The following NRG3 variants were observed in gnomAD, a reference collection of about 807,000 sequenced individuals.
NRG3 encodes pro-neuregulin-3, membrane-bound isoform.
Under a neutral mutation model 66.9 loss-of-function variants are expected in NRG3, and 31 were observed. The observed-to-expected ratio is 0.46, with a 90% confidence interval of 0.35 to 0.63. The LOEUF is 0.63. Among genes scored for constraint, NRG3 ranks in the 20% least tolerant of loss-of-function variants. The pLI, the probability that NRG3 is intolerant of heterozygous loss-of-function variation, is 0.00. For missense variants in NRG3, 910 were observed against 878.9 expected (o/e 1.04, Z -0.45); for synonymous variants, 393 against 359.4 (o/e 1.09, Z -1.06).
chr10:82,052,256 A>G (rs561993885), intron 1 of NRG3, among the ~76,000 whole-genome samples: 4 of 152,286 alleles, frequency 2.6e-5, no homozygotes, highest in Non-Finnish European at 4.4e-5. Flanking sequence ...TCCTAAAAAT[A>G]CCTGAACTTC....
At chr10:82,293,262 A>G (rs2079850307) in intron 1 of NRG3, among the ~76,000 whole-genome samples, 1 of 152,172 alleles carries the variant, frequency 6.6e-6, no homozygotes, top group South Asian at 2.1e-4. Flanking sequence ...AATACTTGGC[A>G]GACACTGCAA....
chr10:82,031,900 A>T (rs1046104010), intron 1 of NRG3, among the ~76,000 whole-genome samples: 1 of 151,994 alleles, frequency 6.6e-6, no homozygotes, highest in Non-Finnish European at 1.5e-5. Context: ...TTTAGCCCTT[A>T]ATTTTCAGAA....
chr10:82,935,452 C>T (rs576883049), intron 4 of NRG3, among the ~76,000 whole-genome samples: 23 of 152,202 alleles, frequency 1.5e-4, no homozygotes, highest in Non-Finnish European at 2.9e-4. Flanking sequence ...AAATAAATGT[C>T]CATATGACTT....
chr10:82,693,193 A>G (rs971521232), intron 2 of NRG3, among the ~76,000 whole-genome samples: 1 of 152,040 alleles, frequency 6.6e-6, no homozygotes, highest in Non-Finnish European at 1.5e-5. Context: ...GCTAAATTGC[A>G]TTTTTTTCAA....
intron 1 of NRG3, among the ~76,000 whole-genome samples, chr10:82,163,985 A>C (rs1288578764): frequency 1.3e-5 from 2 of 150,934 alleles, no homozygotes; most frequent in Non-Finnish European, 2.9e-5. Flanking sequence ...GAGTGGTGCA[A>C]TCTAGTCTCA....
chr10:82,950,288 A>G (rs1047628019), intron 4 of NRG3, among the ~76,000 whole-genome samples: 13 of 152,326 alleles, frequency 8.5e-5, no homozygotes, highest in Middle Eastern at 3.4e-3. Context: ...TTTCCTCTAA[A>G]TTGGCTGCTT....
intron 3 of NRG3, among the ~76,000 whole-genome samples, chr10:82,812,454 A>T (rs2061529312): frequency 6.6e-6 from 1 of 152,274 alleles, no homozygotes; most frequent in Admixed American, 6.5e-5. Context: ...GCAAAATAAA[A>T]TGTTAAGCCT....
At chr10:82,822,915 C>T (rs1043172211) in intron 3 of NRG3, among the ~76,000 whole-genome samples, 2 of 152,134 alleles carry the variant, frequency 1.3e-5, no homozygotes, top group African/African-American at 2.4e-5. Flanking sequence ...GCCATTTAAT[C>T]TCCTCAGTAC....
chr10:81,949,363 A>G (rs562363726), intron 1 of NRG3, among the ~76,000 whole-genome samples: 2 of 152,336 alleles, frequency 1.3e-5, no homozygotes, highest in East Asian at 3.9e-4. Flanking sequence ...TACTACACAC[A>G]TAGATAGAAC....
intron 1 of NRG3, among the ~76,000 whole-genome samples, chr10:82,353,499 A>G (rs1372993970): frequency 6.6e-6 from 1 of 152,194 alleles, no homozygotes; most frequent in Non-Finnish European, 1.5e-5. Flanking sequence ...TCTACTGATT[A>G]CTTACTATGT....
chr10:82,007,276 C>G (rs2061410108), intron 1 of NRG3, among the ~76,000 whole-genome samples: 1 of 138,584 alleles, frequency 7.2e-6, no homozygotes, highest in Admixed American at 8.1e-5. Context: ...GTGGTGTGAT[C>G]TTGGCTCACT....
At chr10:82,393,411 G>C (rs549028845) in intron 2 of NRG3, among the ~76,000 whole-genome samples, 2 of 152,238 alleles carry the variant, frequency 1.3e-5, no homozygotes, top group East Asian at 3.9e-4. Context: ...TGTACAGTTA[G>C]CATTAGGCTG....
intron 2 of NRG3, among the ~76,000 whole-genome samples, chr10:82,454,724 A>AT (rs1407789141): frequency 1.3e-5 from 2 of 152,238 alleles, no homozygotes; most frequent in African/African-American, 2.4e-5. Context: ...CACAGGTGAT[A>AT]TCTCTTTGAT....
At chr10:82,463,262 A>G (rs959735288) in intron 2 of NRG3, among the ~76,000 whole-genome samples, 1 of 152,200 alleles carries the variant, frequency 6.6e-6, no homozygotes, top group Non-Finnish European at 1.5e-5. Context: ...TTGGAGAAGG[A>G]TCATAATTCA....
At chr10:82,465,457 C>T (rs776658239) in intron 2 of NRG3, among the ~76,000 whole-genome samples, 1 of 152,208 alleles carries the variant, frequency 6.6e-6, no homozygotes, top group Non-Finnish European at 1.5e-5. Context: ...AACAGTTTAA[C>T]TTTACAGGCT....
chr10:82,470,972 C>T (rs568227978), intron 2 of NRG3, among the ~76,000 whole-genome samples: 1 of 152,268 alleles, frequency 6.6e-6, no homozygotes, highest in South Asian at 2.1e-4. Context: ...GGTTCTGCGG[C>T]TGTCTTTCTT....
chr10:82,001,860 A>G (rs2061183654), intron 1 of NRG3, among the ~76,000 whole-genome samples: 1 of 152,208 alleles, frequency 6.6e-6, no homozygotes, highest in South Asian at 2.1e-4. Flanking sequence ...GGGTAGATGT[A>G]TGTTTGGGAC....
intron 1 of NRG3, among the ~76,000 whole-genome samples, chr10:81,905,759 TCA>T (rs1403173154): frequency 6.6e-6 from 1 of 152,194 alleles, no homozygotes; most frequent in Non-Finnish European, 1.5e-5. Flanking sequence ...AAATCAGCCC[TCA>T]CACTATGGCT....
chr10:82,045,125 C>G, intron 1 of NRG3, among the ~76,000 whole-genome samples: 1 of 135,420 alleles, frequency 7.4e-6, no homozygotes, highest in African/African-American at 2.7e-5. Flanking sequence ...AGTTCTAGAT[C>G]CCTGAGGAAT....
Sources: gnomAD v4.1 joint callset for allele counts (sites outside exome capture counted in the v4.1 genomes callset) on GRCh38, gnomAD v4.1.1 for gene constraint, MANE v1.5 for transcripts, NCBI Gene and HGNC (gene_info 2026-07-23, HGNC 2026-07-21) for gene names.